The following PIP5K1B variants were observed in gnomAD, a reference collection of about 807,000 sequenced individuals.
PIP5K1B encodes the protein phosphatidylinositol-4-phosphate 5-kinase type 1 beta.
A neutral mutation model predicts 67.0 loss-of-function variants in PIP5K1B; 42 were observed. That is an observed-to-expected ratio of 0.63 (90% CI 0.49 to 0.81). PIP5K1B has a LOEUF of 0.81. PIP5K1B is among the 30% of genes least tolerant of loss of function. The pLI, the probability that PIP5K1B is intolerant of heterozygous loss-of-function variation, is 0.00. For synonymous variants in PIP5K1B, 214 were observed against 231.4 expected, an observed-to-expected ratio of 0.92 and a Z score of 0.68; for missense variants, 459 against 646.3, an observed-to-expected ratio of 0.71 and a Z score of 3.14.
intron 2 of PIP5K1B, among the ~76,000 whole-genome samples, chr9:68,765,370 T>C (rs1208904025): frequency 6.6e-6 from 1 of 152,112 alleles, no homozygotes; most frequent in African/African-American, 2.4e-5. Context: ...TTTGAGGGTG[T>C]ACCTGTGCTG....
intron 2 of PIP5K1B, among the ~76,000 whole-genome samples, chr9:68,785,437 G>C (rs1209404667): frequency 2.0e-5 from 3 of 152,212 alleles, no homozygotes; most frequent in Non-Finnish European, 4.4e-5. Context: ...AATTGTGTCA[G>C]ATTGCTCACT....
At chr9:68,929,604 C>A (rs569012524) in intron 12 of PIP5K1B, among the ~76,000 whole-genome samples, 1 of 152,206 alleles carries the variant, frequency 6.6e-6, no homozygotes, top group South Asian at 2.1e-4. Flanking sequence ...CCAAAATGTT[C>A]TTTTTGAAGT....
chr9:68,852,484 A>C (rs1822542155), intron 4 of PIP5K1B, among the ~76,000 whole-genome samples: 1 of 152,112 alleles, frequency 6.6e-6, no homozygotes, highest in Admixed American at 6.5e-5. Context: ...ACCCTTAAGG[A>C]GGGAGGGATG....
chr9:68,779,987 A>G, intron 2 of PIP5K1B: 1 of 787,314 alleles, frequency 1.3e-6, no homozygotes, highest in Non-Finnish European at 1.8e-6. Context: ...ATTACGCATT[A>G]AGCAGGCGCC....
chr9:68,705,547 C>A lies in PIP5K1B; in HGVS notation c.-458C>A. 1 of 152,100 alleles carries A rather than the reference C, an allele frequency of 6.6e-6. No individual in the cohort carries two copies. The highest frequency in any genetic ancestry group is 1.8e-4 in the South Asian group (1 of 5,640). The allele number at this position is 152,100 out of a possible 1,614,324, so 9.4% of individuals were successfully genotyped here. On this transcript the variant is annotated 5_prime_UTR_variant, in exon 1 of 16. Transcript: ENST00000265382. ...AGGCGCGTCCGGAGCGAGTTTGGCC[C>A]CGCGGCTCCAGCCCCGGCACCTGCC...
intron 4 of PIP5K1B, among the ~76,000 whole-genome samples, chr9:68,860,883 C>G (rs909268013): frequency 2.0e-5 from 3 of 152,126 alleles, no homozygotes; most frequent in Admixed American, 6.5e-5. Context: ...GCTGTGTTAC[C>G]TCGTGTAAGT....
At chr9:68,745,309 C>T (rs1829237577) in intron 2 of PIP5K1B, among the ~76,000 whole-genome samples, 1 of 152,198 alleles carries the variant, frequency 6.6e-6, no homozygotes, top group African/African-American at 2.4e-5. Context: ...ATCATTCTCT[C>T]CTTTTAGCCA....
intron 4 of PIP5K1B, among the ~76,000 whole-genome samples, chr9:68,842,403 G>C (rs988471906): frequency 3.9e-5 from 6 of 152,180 alleles, no homozygotes; most frequent in Admixed American, 3.9e-4. Context: ...ATCACTTCAA[G>C]TGTTTTGCAC....
chr9:68,941,758 G>A (rs573690748), intron 14 of PIP5K1B, among the ~76,000 whole-genome samples: 6 of 152,304 alleles, frequency 3.9e-5, no homozygotes, highest in Admixed American at 3.3e-4. Context: ...TCCAGGAAGA[G>A]GAATCAATAA....
chr9:68,723,303 G>A (rs1301460157), intron 1 of PIP5K1B, among the ~76,000 whole-genome samples: 4 of 152,166 alleles, frequency 2.6e-5, no homozygotes, highest in South Asian at 2.1e-4. Flanking sequence ...GTAAACAGGG[G>A]AGTGCAGATA....
At chr9:68,915,006 T>A (rs566612511) in intron 8 of PIP5K1B, among the ~76,000 whole-genome samples, 6 of 152,356 alleles carry the variant, frequency 3.9e-5, no homozygotes, top group African/African-American at 1.4e-4. Context: ...TGAATTATAA[T>A]CATAGTGATA....
intron 15 of PIP5K1B, among the ~76,000 whole-genome samples, chr9:68,999,090 T>G (rs536512766): frequency 1.0e-3 from 154 of 152,188 alleles, no homozygotes; most frequent in Non-Finnish European, 1.9e-3. Flanking sequence ...CACATGTCCC[T>G]TGGTCCTTTG....
At chr9:68,918,030 A>G (rs983277911) in intron 9 of PIP5K1B, among the ~76,000 whole-genome samples, 2 of 152,042 alleles carry the variant, frequency 1.3e-5, no homozygotes, top group Non-Finnish European at 2.9e-5. Flanking sequence ...TATTCAAAAC[A>G]TTCACCACAA....
chr9:68,948,259 T>C (rs1303176369), intron 14 of PIP5K1B, among the ~76,000 whole-genome samples: 2 of 152,200 alleles, frequency 1.3e-5, no homozygotes, highest in African/African-American at 4.8e-5. Flanking sequence ...ATTTTAAAAA[T>C]CAAAACCATT....
intron 14 of PIP5K1B, among the ~76,000 whole-genome samples, chr9:68,946,627 C>G (rs1051129253): frequency 6.6e-6 from 1 of 152,040 alleles, no homozygotes; most frequent in African/African-American, 2.4e-5. Context: ...ATCTCCTGAC[C>G]TCTTGGTCTG....
chr9:68,942,363 T>G (rs1175861219), intron 14 of PIP5K1B, among the ~76,000 whole-genome samples: 1 of 152,224 alleles, frequency 6.6e-6, no homozygotes, highest in Non-Finnish European at 1.5e-5. Context: ...GCTGTCATGA[T>G]AATTATTGGG....
chr9:68,953,964 C>T (rs1232993833), intron 14 of PIP5K1B, among the ~76,000 whole-genome samples: 2 of 151,932 alleles, frequency 1.3e-5, no homozygotes, highest in South Asian at 2.1e-4. Flanking sequence ...CCTTCTGGGA[C>T]ATCTGGCAGG....
chr9:68,747,164 G>A (rs766843396), intron 2 of PIP5K1B, among the ~76,000 whole-genome samples: 4 of 150,796 alleles, frequency 2.7e-5, no homozygotes, highest in Admixed American at 1.3e-4. Flanking sequence ...GTTTTACTCC[G>A]TATAAGGCCC....
intron 15 of PIP5K1B, among the ~76,000 whole-genome samples, chr9:68,999,471 G>T (rs916504498): frequency 6.6e-6 from 1 of 152,224 alleles, no homozygotes; most frequent in African/African-American, 2.4e-5. Flanking sequence ...TCACAAAGAG[G>T]TATCAGGTAA....
Sources: allele counts gnomAD v4.1 joint callset (sites outside exome capture counted in the v4.1 genomes callset), GRCh38; gene constraint gnomAD v4.1.1; transcripts MANE v1.5; gene names NCBI Gene and HGNC (gene_info 2026-07-23, HGNC 2026-07-21).